Variants in MAGI2 observed in about 807,000 individuals in gnomAD.
MAGI2 encodes membrane associated guanylate kinase, WW and PDZ domain containing 2, also known as membrane-associated guanylate kinase, WW and PDZ domain-containing protein 2.
MAGI2 carries 35 observed loss-of-function variants against 133.3 expected under a neutral mutation model. That is an observed-to-expected ratio of 0.26 (90% CI 0.20 to 0.35). The LOEUF (loss-of-function observed/expected upper bound fraction) is 0.35, where lower values mean the gene tolerates loss of function less well. Ranked by LOEUF, MAGI2 falls within the 10% of genes least tolerant of loss-of-function variation. The pLI is 1.00. For synonymous variants in MAGI2, 729 were observed against 710.6 expected (o/e 1.03, Z -0.41); for missense variants, 1,636 against 1,863.4 (o/e 0.88, Z 2.25).
intron 1 of MAGI2, among the ~76,000 whole-genome samples, chr7:79,072,073 G>A (rs1400133532): frequency 6.6e-6 from 1 of 152,068 alleles, no homozygotes; most frequent in African/African-American, 2.4e-5. Flanking sequence ...GTGCTTCCAG[G>A]GTGATGCGAT....
intron 2 of MAGI2, among the ~76,000 whole-genome samples, chr7:78,845,486 T>C (rs546562926): frequency 9.2e-5 from 14 of 152,040 alleles, no homozygotes; most frequent in Non-Finnish European, 2.1e-4. Context: ...ACGAAGTTAT[T>C]TCAGTTTCTA....
chr7:78,361,053 T>C, intron 7 of MAGI2, among the ~76,000 whole-genome samples: 1 of 152,036 alleles, frequency 6.6e-6, no homozygotes, highest in Non-Finnish European at 1.5e-5. Flanking sequence ...TTGTCTATGC[T>C]TAGCCTCTCC....
chr7:78,645,913 A>G (rs539625124), intron 2 of MAGI2, among the ~76,000 whole-genome samples: 1 of 151,950 alleles, frequency 6.6e-6, no homozygotes, highest in South Asian at 2.1e-4. Context: ...TAATTTTTCT[A>G]TTTTTAGTAG....
chr7:78,205,834 G>A (rs1829677857), intron 10 of MAGI2, among the ~76,000 whole-genome samples: 10 of 152,114 alleles, frequency 6.6e-5, no homozygotes, highest in Admixed American at 6.5e-4. Context: ...TTTATTGTCA[G>A]GAATCTTGAT....
intron 7 of MAGI2, among the ~76,000 whole-genome samples, chr7:78,357,337 A>G (rs2151220989): frequency 6.6e-6 from 1 of 152,328 alleles, no homozygotes; most frequent in South Asian, 2.1e-4. Context: ...CAAGTGCTTA[A>G]TAATGGTAGC....
At chr7:78,992,071 A>T (rs1805838168) in intron 2 of MAGI2, among the ~76,000 whole-genome samples, 1 of 152,086 alleles carries the variant, frequency 6.6e-6, no homozygotes, top group African/African-American at 2.4e-5. Flanking sequence ...TGTCTTCATC[A>T]AAGCAACTAA....
At chr7:79,031,224 A>G (rs1308819687) in intron 1 of MAGI2, among the ~76,000 whole-genome samples, 2 of 152,118 alleles carry the variant, frequency 1.3e-5, no homozygotes, top group South Asian at 2.1e-4. Context: ...CTCCATTCTC[A>G]TCATTCACCA....
At chr7:78,371,136 T>C (rs565339725) in intron 6 of MAGI2, among the ~76,000 whole-genome samples, 1 of 151,998 alleles carries the variant, frequency 6.6e-6, no homozygotes, top group South Asian at 2.1e-4. Flanking sequence ...TAATTTAGAT[T>C]AAGAAGAATA....
At chr7:79,159,107 A>C (rs1470405395) in intron 1 of MAGI2, among the ~76,000 whole-genome samples, 3 of 152,112 alleles carry the variant, frequency 2.0e-5, no homozygotes, top group African/African-American at 7.2e-5. Flanking sequence ...TAAAAAGGAA[A>C]GTAATTTTAT....
chr7:78,919,399 C>A (rs750188139), intron 2 of MAGI2, among the ~76,000 whole-genome samples: 13 of 152,012 alleles, frequency 8.6e-5, no homozygotes, highest in Non-Finnish European at 1.9e-4. Context: ...TAATAGAGAT[C>A]AAATTACCAC....
chr7:79,016,860 C>A (rs922268893), intron 1 of MAGI2, among the ~76,000 whole-genome samples: 1 of 152,226 alleles, frequency 6.6e-6, no homozygotes, highest in Non-Finnish European at 1.5e-5. Context: ...CCAACCCCAG[C>A]AGCAGCTGCC....
chr7:78,753,555 A>T (rs536706103), intron 2 of MAGI2, among the ~76,000 whole-genome samples: 1 of 152,162 alleles, frequency 6.6e-6, no homozygotes, highest in Non-Finnish European at 1.5e-5. Context: ...AATACATAAT[A>T]GCCAAAAATT....
At chr7:78,043,509 G>A (rs143065613) in intron 21 of MAGI2, among the ~76,000 whole-genome samples, 1 of 152,310 alleles carries the variant, frequency 6.6e-6, no homozygotes, top group African/African-American at 2.4e-5. Context: ...GGAAAGGATT[G>A]GCCAAAATCT....
rs185264658 is a variant in MAGI2, at chr7:78,051,898, T to A, written c.3706+27049A>T. On this transcript the variant is annotated intron_variant, in intron 21 of 21. Coordinates refer to ENST00000354212, the MANE Select transcript of MAGI2 (RefSeq NM_012301.4). ...CCATACCCAGCCTTTTTTTTTTTTT[T>A]TTTAAGACAAGATCTTGCTGTGTTA... Among the ~76,000 whole-genome samples, 3 of 150,854 alleles carry A rather than the reference T, an allele frequency of 2.0e-5. No homozygotes were observed. The East Asian group carries it at 5.9e-4, about 29-fold the overall frequency.
intron 1 of MAGI2, among the ~76,000 whole-genome samples, chr7:79,058,378 T>G (rs1276490217): frequency 1.3e-5 from 2 of 152,002 alleles, no homozygotes; most frequent in Non-Finnish European, 2.9e-5. Flanking sequence ...TTCTAGAAAA[T>G]ACATGTAGAG....
intron 1 of MAGI2, among the ~76,000 whole-genome samples, chr7:79,296,427 T>A (rs1420943062): frequency 6.6e-6 from 1 of 152,158 alleles, no homozygotes; most frequent in Non-Finnish European, 1.5e-5. Context: ...AAGGACATAA[T>A]CAGCTGAAGT....
At chr7:78,497,722 TTCTATCTATCTATCTA>T (rs71517019) in intron 5 of MAGI2, among the ~76,000 whole-genome samples, 29 of 97,242 alleles carry the variant, frequency 3.0e-4, no homozygotes, top group Non-Finnish European at 3.7e-4. Flanking sequence ...GAAATAACTA[TTCTATCTATCTATCTA>T]TCTATCTATC....
At chr7:78,271,815 T>C (rs1355526784) in intron 9 of MAGI2, among the ~76,000 whole-genome samples, 2 of 152,228 alleles carry the variant, frequency 1.3e-5, no homozygotes, top group African/African-American at 2.4e-5. Flanking sequence ...TTATCATTTT[T>C]TATTGAGTCT....
intron 1 of MAGI2, among the ~76,000 whole-genome samples, chr7:79,274,817 C>T (rs1336593117): frequency 6.6e-6 from 1 of 152,112 alleles, no homozygotes; most frequent in African/African-American, 2.4e-5. Context: ...GTAATTCTCA[C>T]AATATTTCAA....
Sources: gnomAD v4.1 joint callset for allele counts (sites outside exome capture counted in the v4.1 genomes callset) on GRCh38, gnomAD v4.1.1 for gene constraint, MANE v1.5 for transcripts, NCBI Gene and HGNC (gene_info 2026-07-23, HGNC 2026-07-21) for gene names.